The following BLM variants were observed in gnomAD, a reference collection of about 807,000 sequenced individuals.
BLM encodes BLM RecQ like helicase.
In BLM, 95 loss-of-function variants were observed where a neutral mutation model predicts 135.3. That is an observed-to-expected ratio of 0.70 (90% confidence interval 0.59 to 0.83). BLM has a LOEUF of 0.83. BLM is among the 40% of genes least tolerant of loss of function. BLM has a pLI of 0.00. For synonymous variants in BLM, 520 were observed against 589.2 expected, an observed-to-expected ratio of 0.88 and a Z score of 1.70; for missense variants, 1,518 against 1,663.9, an observed-to-expected ratio of 0.91 and a Z score of 1.53.
intron 1 of BLM, among the ~76,000 whole-genome samples, chr15:90,746,842 A>C (rs1895514278): frequency 6.6e-6 from 1 of 152,174 alleles, no homozygotes; most frequent in African/African-American, 2.4e-5. Flanking sequence ...TGTGCTTGGT[A>C]AACGTATTCT....
At chr15:90,724,586 C>G (rs1211468561) in intron 1 of BLM, among the ~76,000 whole-genome samples, 6 of 152,196 alleles carry the variant, frequency 3.9e-5, no homozygotes, top group Non-Finnish European at 8.8e-5. Flanking sequence ...CCACTTCAGA[C>G]TACAAGCACA....
At chr15:90,778,605 C>G (rs1447019674) in intron 12 of BLM, among the ~76,000 whole-genome samples, 1 of 152,156 alleles carries the variant, frequency 6.6e-6, no homozygotes, top group African/African-American at 2.4e-5. Flanking sequence ...CTGGGTATCT[C>G]GTGTAAATAG....
At chr15:90,722,459 T>C (rs188789803) in intron 1 of BLM, among the ~76,000 whole-genome samples, 1 of 152,174 alleles carries the variant, frequency 6.6e-6, no homozygotes, top group Admixed American at 6.5e-5. Context: ...TGGTGGCCCA[T>C]GTCTGTAATC....
chr15:90,723,473 G>C (rs1376124267), intron 1 of BLM, among the ~76,000 whole-genome samples: 1 of 151,566 alleles, frequency 6.6e-6, no homozygotes, highest in African/African-American at 2.4e-5. Flanking sequence ...GGCAACAATG[G>C]GAGACTTGTC....
At chr15:90,771,040 G>T (rs887363033) in intron 12 of BLM, among the ~76,000 whole-genome samples, 1 of 152,170 alleles carries the variant, frequency 6.6e-6, no homozygotes, top group African/African-American at 2.4e-5. Context: ...TCAAGTGCAA[G>T]GATTTTAGAG....
At chr15:90,735,260 TA>T (rs1895182551) in intron 1 of BLM, among the ~76,000 whole-genome samples, 1 of 145,446 alleles carries the variant, frequency 6.9e-6, no homozygotes, top group East Asian at 2.0e-4. Flanking sequence ...TATATATATA[TA>T]TATATATATA....
chr15:90,809,376 C>T, intron 20 of BLM, 117 bp downstream of exon 20: 1 of 1,520,074 alleles, frequency 6.6e-7, no homozygotes, highest in Non-Finnish European at 9.0e-7. Context: ...ACACTGACAT[C>T]CAAGTCAGCC....
At chr15:90,745,621 G>A (rs1386775596) in intron 1 of BLM, among the ~76,000 whole-genome samples, 4 of 151,998 alleles carry the variant, frequency 2.6e-5, no homozygotes, top group Admixed American at 2.0e-4. Flanking sequence ...ATGTTGCCCA[G>A]CCTGGTCTCA....
intron 2 of BLM, among the ~76,000 whole-genome samples, chr15:90,749,140 G>C (rs186799955): frequency 6.6e-6 from 1 of 152,250 alleles, no homozygotes; most frequent in East Asian, 1.9e-4. Context: ...ATAAAGTAGT[G>C]GGAATGACCT....
chr15:90,769,523 C>G lies in BLM; in HGVS notation c.2492C>G (p.Ala831Gly). The change falls in exon 12 of 22, where the codon GCC becomes GGC. Residue 831 changes from alanine (A) to glycine (G), a missense_variant. Transcript: ENST00000355112. ...FPSVPVMALT[A>G]TANPRVQKDI... The stretch of plus-strand genomic sequence containing the variant: ...TCTGTTCCGGTGATGGCTCTTACGG[C>G]CACAGCTAATCCCAGGGTACAGAAG... 6.2e-7 allele frequency: 1 copy of G among 1,613,934 alleles called. No homozygotes were observed. Among genetic ancestry groups the G allele is most frequent in the Non-Finnish European group, 8.5e-7 (1 of 1,179,870 alleles).
chr15:90,766,098 C>A (rs569395963), intron 9 of BLM, among the ~76,000 whole-genome samples: 1 of 152,222 alleles, frequency 6.6e-6, no homozygotes, highest in South Asian at 2.1e-4. Flanking sequence ...GAAAGCGAGA[C>A]CCCGACTCAA....
At chr15:90,766,484 G>A (rs768971151) in intron 9 of BLM, among the ~76,000 whole-genome samples, 5 of 152,126 alleles carry the variant, frequency 3.3e-5, no homozygotes, top group Non-Finnish European at 5.9e-5. Context: ...CTGGAGTGCG[G>A]TGGTGCAACC....
chr15:90,799,626 T>TAAAAAAA (rs10600094), intron 17 of BLM, among the ~76,000 whole-genome samples: 17 of 108,716 alleles, frequency 1.6e-4, no homozygotes, highest in African/African-American at 6.3e-4. Context: ...AAGATGCCTG[T>TAAAAAAA]AAAAAAAAAA....
At chr15:90,739,649 A>G (rs192802106) in intron 1 of BLM, among the ~76,000 whole-genome samples, 2 of 152,256 alleles carry the variant, frequency 1.3e-5, no homozygotes, top group African/African-American at 2.4e-5. Context: ...GTGTGAATAC[A>G]TTATGATTCC....
intron 12 of BLM, among the ~76,000 whole-genome samples, chr15:90,776,526 G>A (rs1331876015): frequency 1.3e-5 from 2 of 151,904 alleles, no homozygotes; most frequent in Non-Finnish European, 2.9e-5. Flanking sequence ...CTTTTTTGTT[G>A]TTGTTTTTTG....
intron 12 of BLM, 76 bp downstream of exon 12, chr15:90,769,662 G>A (rs1406254800): frequency 2.7e-5 from 42 of 1,528,064 alleles, no homozygotes; most frequent in Non-Finnish European, 3.5e-5. Context: ...AGAATCACCT[G>A]TGGCGCTTTA....
chr15:90,777,360 G>T (rs917932191), intron 12 of BLM, among the ~76,000 whole-genome samples: 1 of 151,784 alleles, frequency 6.6e-6, no homozygotes. Flanking sequence ...ACCATATTGC[G>T]CAGGCTGGTC....
chr15:90,717,481 T>C (rs1397581770), intron 1 of BLM, 41 bp downstream of exon 1: 1 of 152,476 alleles, frequency 6.6e-6, no homozygotes, highest in Admixed American at 6.5e-5. Flanking sequence ...TCCGCATTGA[T>C]CTAGCCCTGC....
chr15:90,757,805 G>A (rs1328506469), intron 5 of BLM, among the ~76,000 whole-genome samples: 1 of 151,898 alleles, frequency 6.6e-6, no homozygotes. Flanking sequence ...CACCTAAACT[G>A]TTTTTTACTC....
Sources: gnomAD v4.1 joint callset for allele counts (sites outside exome capture counted in the v4.1 genomes callset) on GRCh38, gnomAD v4.1.1 for gene constraint, MANE v1.5 for transcripts, NCBI Gene and HGNC (gene_info 2026-07-23, HGNC 2026-07-21) for gene names.